The following PSMD14 variants were observed in gnomAD, a reference collection of about 807,000 sequenced individuals.
PSMD14 encodes ubiquitin C-terminal hydrolase PSMD14.
In PSMD14, 7 loss-of-function variants were observed where a neutral mutation model predicts 41.2. The ratio of observed to expected loss-of-function variants is 0.17; its 90% CI spans 0.10 to 0.32. The LOEUF (loss-of-function observed/expected upper bound fraction) is 0.32. PSMD14 is among the 10% of genes least tolerant of loss of function. PSMD14 has a pLI of 1.00. For synonymous variants in PSMD14, 114 were observed against 122.3 expected, an observed-to-expected ratio of 0.93 and a Z score of 0.45; for missense variants, 139 against 375.6, an observed-to-expected ratio of 0.37 and a Z score of 5.21.
At position 161,345,148 on chromosome 2, in the gene PSMD14, G is replaced by T. The variant is rs528270123; in HGVS notation, c.49-22330G>T. On this transcript the variant is annotated intron_variant, in intron 3 of 11. Transcript: ENST00000409682. ...AAGACTATTCTTTCCTCATTTAATTGTCTTGGTCCCTTTGTTAAAGATCAA... is the reference window on the plus strand; with the variant it reads ...AAGACTATTCTTTCCTCATTTAATTTTCTTGGTCCCTTTGTTAAAGATCAA... 3.3e-5 allele frequency among the ~76,000 whole-genome samples: 5 copies of T among 149,434 alleles called. No homozygotes were observed. In the South Asian group the frequency reaches 6.4e-4, roughly 19 times the overall value.
At chr2:161,344,995 C>T (rs1166204167) in intron 3 of PSMD14, among the ~76,000 whole-genome samples, 1 of 152,076 alleles carries the variant, frequency 6.6e-6, no homozygotes, top group Non-Finnish European at 1.5e-5. Context: ...CTCTTGTTTG[C>T]TTCAAGAGTT....
intron 3 of PSMD14, among the ~76,000 whole-genome samples, chr2:161,323,456 A>T (rs1682640942): frequency 6.6e-6 from 1 of 152,164 alleles, no homozygotes; most frequent in African/African-American, 2.4e-5. Context: ...TAAGGCTAGG[A>T]GTTCAGGACC....
chr2:161,310,923 A>C (rs1490967434), intron 1 of PSMD14, among the ~76,000 whole-genome samples: 1 of 152,208 alleles, frequency 6.6e-6, no homozygotes. Flanking sequence ...CTCTCAGTGC[A>C]TGCCACTAAA....
intron 2 of PSMD14, among the ~76,000 whole-genome samples, chr2:161,316,913 T>C (rs932664420): frequency 3.3e-5 from 5 of 152,178 alleles, no homozygotes; most frequent in African/African-American, 9.6e-5. Context: ...GGAGTCTGTG[T>C]AAAGTCATCA....
chr2:161,340,865 C>T (rs1044617604), intron 3 of PSMD14: 120 of 1,613,850 alleles, frequency 7.4e-5, no homozygotes, highest in Non-Finnish European at 9.5e-5. Context: ...TCATCATCTT[C>T]TCGTACTGGT....
chr2:161,379,400 C>G lies in PSMD14; in HGVS notation c.463-6064C>G, dbSNP rs139868322. Among the ~76,000 whole-genome samples, 65 of 152,052 alleles carry G rather than the reference C, an allele frequency of 4.3e-4. 1 individual carries two copies. The highest frequency in any genetic ancestry group is 8.7e-4 in the Non-Finnish European group (59 of 67,924). On this transcript the variant is annotated intron_variant, in intron 7 of 11. Transcript: ENST00000409682. ...TATCAAGATTCTAGGCATATTCAGT[C>G]ATTTTTAAAAGAGAGATAATAACCT...
At chr2:161,377,606 G>GT (rs372713858) in intron 7 of PSMD14, among the ~76,000 whole-genome samples, 4 of 151,906 alleles carry the variant, frequency 2.6e-5, no homozygotes, top group South Asian at 2.1e-4. Flanking sequence ...GTATATAGAG[G>GT]TAAGAGTTCC....
At chr2:161,371,394 T>A (rs1683432072) in intron 7 of PSMD14, 72 bp downstream of exon 7, 2 of 1,461,086 alleles carry the variant, frequency 1.4e-6, no homozygotes, top group East Asian at 4.9e-5. Flanking sequence ...TAAAAATCAA[T>A]TTTGTTCAAA....
At chr2:161,310,394 A>AT (rs958555420) in intron 1 of PSMD14, among the ~76,000 whole-genome samples, 4 of 152,214 alleles carry the variant, frequency 2.6e-5, no homozygotes, top group Admixed American at 2.6e-4. Flanking sequence ...AGTAACGTTC[A>AT]TTTAATAATT....
chr2:161,363,087 T>C (rs1205098834), intron 3 of PSMD14, among the ~76,000 whole-genome samples: 1 of 152,188 alleles, frequency 6.6e-6, no homozygotes, highest in Non-Finnish European at 1.5e-5. Context: ...GAGCTCCACC[T>C]CCTGTCAGAT....
At chr2:161,375,607 C>T (rs1683492470) in intron 7 of PSMD14, among the ~76,000 whole-genome samples, 1 of 151,974 alleles carries the variant, frequency 6.6e-6, no homozygotes, top group South Asian at 2.1e-4. Flanking sequence ...GTACTTACCT[C>T]TTTGTTCATT....
chr2:161,328,007 C>T lies in PSMD14; in HGVS notation c.48+9134C>T, dbSNP rs576827253. On this transcript the variant is annotated intron_variant, in intron 3 of 11. Transcript: ENST00000409682. ...GTGAGATGTTGGTTAGGAATTATAGCTCAGTGCTTAGATCTTTACCCGGCA... is the reference window on the plus strand; with the variant it reads ...GTGAGATGTTGGTTAGGAATTATAGTTCAGTGCTTAGATCTTTACCCGGCA... Among the ~76,000 whole-genome samples, 117 of 115,468 alleles carry T rather than the reference C, an allele frequency of 1.0e-3. 1 individual carries two copies. In the South Asian group the frequency reaches 0.023, roughly 22 times the overall value. 75.8% of individuals were successfully genotyped at this position (115,468 alleles called of 152,430 possible). A position where few individuals can be genotyped will look rare whatever the true frequency, so the allele number is the denominator to read the frequency against.
At chr2:161,336,639 G>A (rs1184340305) in intron 3 of PSMD14, among the ~76,000 whole-genome samples, 2 of 152,072 alleles carry the variant, frequency 1.3e-5, no homozygotes, top group Non-Finnish European at 2.9e-5. Flanking sequence ...GCAGTGGCGT[G>A]ATCTTGGCTC....
intron 1 of PSMD14, among the ~76,000 whole-genome samples, chr2:161,315,082 G>A (rs929148524): frequency 2.0e-5 from 3 of 152,144 alleles, no homozygotes; most frequent in African/African-American, 7.2e-5. Context: ...TATATCAGTG[G>A]TTCTCAATTG....
At chr2:161,321,789 T>G (rs1448000388) in intron 3 of PSMD14, among the ~76,000 whole-genome samples, 2 of 152,170 alleles carry the variant, frequency 1.3e-5, no homozygotes, top group Admixed American at 6.5e-5. Context: ...ACACACAGGA[T>G]GGGGTCTGGG....
In PSMD14 at chr2:161,411,584, T is replaced by C. The variant is rs1225138057; in HGVS notation, c.*184T>C. On this transcript the variant is annotated 3_prime_UTR_variant, in exon 12 of 12. Transcript: ENST00000409682. Reference sequence around the variant, plus strand: ...CTTCTGTTTCTTTAGTCAGGGTCTTTGCAGATTCTAAAGTTATACATGAAT... The same window carrying C: ...CTTCTGTTTCTTTAGTCAGGGTCTTCGCAGATTCTAAAGTTATACATGAAT... The C allele has an allele frequency of 5.2e-6, 2 of 381,466 alleles. No individual in the cohort carries two copies. The highest frequency in any genetic ancestry group is 9.3e-6 in the Non-Finnish European group (2 of 214,410). 23.6% of individuals were successfully genotyped at this position (381,466 alleles called of 1,614,324 possible).
At chr2:161,389,270 C>G (rs1048891549) in intron 8 of PSMD14, among the ~76,000 whole-genome samples, 2 of 152,138 alleles carry the variant, frequency 1.3e-5, no homozygotes, top group African/African-American at 4.8e-5. Context: ...GTGAGTGCAT[C>G]GCGCAAATGT....
intron 3 of PSMD14, chr2:161,341,247 A>G: frequency 8.0e-6 from 8 of 999,954 alleles, no homozygotes; most frequent in Non-Finnish European, 9.5e-6. Context: ...CCCACGCCGC[A>G]CCAGTAGCCA....
intron 3 of PSMD14, among the ~76,000 whole-genome samples, chr2:161,344,594 TAAG>T (rs1376201541): frequency 6.7e-6 from 1 of 150,244 alleles, no homozygotes; most frequent in South Asian, 2.1e-4. Context: ...GAGAGTTAAA[TAAG>T]AAATAATATT....
Sources: allele counts gnomAD v4.1 joint callset (sites outside exome capture counted in the v4.1 genomes callset), GRCh38; gene constraint gnomAD v4.1.1; transcripts MANE v1.5; gene names NCBI Gene and HGNC (gene_info 2026-07-23, HGNC 2026-07-21).